The following ARHGAP21 variants were observed in gnomAD, a reference collection of about 807,000 sequenced individuals.
ARHGAP21 encodes Rho GTPase activating protein 21.
ARHGAP21 carries 38 observed loss-of-function variants against 164.6 expected under a neutral mutation model. The observed-to-expected ratio is 0.23, with a 90% CI of 0.18 to 0.30. The LOEUF (loss-of-function observed/expected upper bound fraction) is 0.30, where lower values mean the gene tolerates loss of function less well. ARHGAP21 is among the 10% of genes least tolerant of loss of function. The probability of loss-of-function intolerance (pLI) is 1.00; values close to 1 mark genes in which losing one functional copy is unlikely to be tolerated. For synonymous variants in ARHGAP21, 766 were observed against 857.9 expected, an observed-to-expected ratio of 0.89 and a Z score of 1.87; for missense variants, 1,822 against 2,370.7, an observed-to-expected ratio of 0.77 and a Z score of 4.81.
At chr10:24,687,372 G>A (rs1565163961) in intron 2 of ARHGAP21, among the ~76,000 whole-genome samples, 1 of 152,144 alleles carries the variant, frequency 6.6e-6, no homozygotes, top group African/African-American at 2.4e-5. Flanking sequence ...AAATTTATAC[G>A]AAATGAGTAA....
chr10:24,655,120 C>G (rs975374103), intron 4 of ARHGAP21, among the ~76,000 whole-genome samples: 2 of 152,218 alleles, frequency 1.3e-5, no homozygotes, highest in Admixed American at 6.5e-5. Context: ...AAAATTAATT[C>G]AACATGGATT....
chr10:24,616,222 T>A (rs1833934821), intron 9 of ARHGAP21, among the ~76,000 whole-genome samples: 2 of 152,244 alleles, frequency 1.3e-5, no homozygotes, highest in South Asian at 4.1e-4. Context: ...ACATGATTTC[T>A]CTTTATAAAA....
At chr10:24,710,473 C>T (rs866773676) in intron 2 of ARHGAP21, among the ~76,000 whole-genome samples, 30 of 152,290 alleles carry the variant, frequency 2.0e-4, no homozygotes, top group African/African-American at 6.5e-4. Flanking sequence ...TAGCTCCTTA[C>T]TCTTCTGCTA....
intron 2 of ARHGAP21, among the ~76,000 whole-genome samples, chr10:24,713,261 A>C (rs542930910): frequency 4.7e-4 from 71 of 152,356 alleles, no homozygotes; most frequent in African/African-American, 1.6e-3. Context: ...ACAGTGCTGC[A>C]TACATAGCAC....
In ARHGAP21 at chr10:24,592,030, ACTGGGAAATACCAGAAT is replaced by A. The variant is rs748742571; in HGVS notation, c.3877-35_3877-19del. ...GGTTCCATCTGAAAGAAAGGATGAT[ACTGGGAAATACCAGAAT>A]TTTTCTTAAGGAAGTAGGCTGAAAT... On this transcript the variant is annotated intron_variant, in intron 21 of 25. Coordinates refer to ENST00000396432, the MANE Select transcript of ARHGAP21 (RefSeq NM_020824.4). The A allele has an allele frequency of 1.9e-6, 3 of 1,543,116 alleles. No individual in the cohort carries two copies. The highest frequency in any genetic ancestry group is 2.6e-6 in the Non-Finnish European group (3 of 1,144,944).
chr10:24,652,530 G>A (rs529645695), intron 4 of ARHGAP21, among the ~76,000 whole-genome samples: 38 of 152,152 alleles, frequency 2.5e-4, no homozygotes, highest in African/African-American at 7.7e-4. Context: ...TTACTAATAC[G>A]AAACTGAAAG....
chr10:24,677,459 C>T (rs926987885), intron 2 of ARHGAP21, among the ~76,000 whole-genome samples: 1 of 152,150 alleles, frequency 6.6e-6, no homozygotes, highest in Non-Finnish European at 1.5e-5. Context: ...GGATGAACTG[C>T]TAACTTTTTC....
chr10:24,681,898 G>A (rs928885522), intron 2 of ARHGAP21, among the ~76,000 whole-genome samples: 9 of 152,050 alleles, frequency 5.9e-5, no homozygotes, highest in South Asian at 2.1e-4. Context: ...GGCATGCTTG[G>A]GGGGAAGGAC....
chr10:24,608,939 G>C (rs1309630454), intron 9 of ARHGAP21, among the ~76,000 whole-genome samples: 2 of 152,038 alleles, frequency 1.3e-5, no homozygotes, highest in African/African-American at 4.8e-5. Context: ...AATTCAATGA[G>C]GATAACAATT....
intron 3 of ARHGAP21, 25 bp downstream of exon 3, chr10:24,670,193 A>C: frequency 5.3e-6 from 8 of 1,504,438 alleles, no homozygotes; most frequent in Non-Finnish European, 7.1e-6. Flanking sequence ...TTTTTTTTTC[A>C]AGTTGCGGTA....
chr10:24,594,484 T>TA (rs1018947444), intron 21 of ARHGAP21, among the ~76,000 whole-genome samples: 6 of 151,800 alleles, frequency 4.0e-5, no homozygotes, highest in South Asian at 2.1e-4. Flanking sequence ...TAATATAATT[T>TA]AAAAAAAAGA....
rs143126825 is a variant in ARHGAP21 at position 24,616,507 on chromosome 10, T to G, written c.2422+2966A>C. Among the ~76,000 whole-genome samples the G allele has an allele frequency of 6.0e-3, 908 of 152,346 alleles. 10 individuals carry two copies. The highest frequency in any genetic ancestry group is 0.021 in the African/African-American group (874 of 41,582). On this transcript the variant is annotated intron_variant, in intron 9 of 25. Coordinates refer to ENST00000396432, the MANE Select transcript of ARHGAP21 (RefSeq NM_020824.4). ...CTAACACTTCTAAATCATCTTGATA[T>G]GGCAGTGCCAATAAGGCTGTGACCA...
Position 24,600,683 on chromosome 10 carries a change from A to C in ARHGAP21, c.3095T>G (p.Ile1032Ser). Residue 1032 changes from isoleucine to serine, a missense_variant, in exon 14 of 26, where the codon ATC becomes AGC. Transcript: ENST00000396432. Reference sequence around the variant, plus strand: ...GTTGCTGCTCTCCTGGATCGTCTTGATCCAAGCTAGCATATCATCTCTGTC... The same window carrying C: ...GTTGCTGCTCTCCTGGATCGTCTTGCTCCAAGCTAGCATATCATCTCTGTC... The part of the protein sequence containing the change: ...AEDRDDMLAW[I>S]KTIQESSNLN... 1 of 1,613,884 alleles carries C rather than the reference A, an allele frequency of 6.2e-7. No individual in the cohort carries two copies.
intron 25 of ARHGAP21, among the ~76,000 whole-genome samples, chr10:24,588,186 T>G (rs951063343): frequency 6.6e-6 from 1 of 152,244 alleles, no homozygotes; most frequent in African/African-American, 2.4e-5. Flanking sequence ...TAATGTGTTG[T>G]ACTTACCTCA....
intron 9 of ARHGAP21, among the ~76,000 whole-genome samples, chr10:24,615,483 C>T (rs1003692441): frequency 2.6e-5 from 4 of 151,968 alleles, no homozygotes; most frequent in Admixed American, 6.6e-5. Context: ...TAATAATAGT[C>T]GGCATAAAAC....
At chr10:24,691,686 T>A (rs1186374769) in intron 2 of ARHGAP21, among the ~76,000 whole-genome samples, 5 of 152,312 alleles carry the variant, frequency 3.3e-5, no homozygotes, top group Admixed American at 3.3e-4. Context: ...ATAATGTATT[T>A]CTGGAAACAT....
chr10:24,591,580 G>A (rs373356539), intron 23 of ARHGAP21, 62 bp downstream of exon 23: 9 of 1,576,042 alleles, frequency 5.7e-6, no homozygotes, highest in Admixed American at 3.4e-5. Context: ...CATTGTTGGC[G>A]CGCCAGGATC....
intron 11 of ARHGAP21, among the ~76,000 whole-genome samples, chr10:24,605,361 A>AACAT (rs1289681500): frequency 6.6e-6 from 1 of 152,214 alleles, no homozygotes; most frequent in Non-Finnish European, 1.5e-5. Context: ...AGAATGAGGA[A>AACAT]ACATACAGTC....
intron 4 of ARHGAP21, among the ~76,000 whole-genome samples, chr10:24,637,755 C>T (rs972461892): frequency 6.6e-6 from 1 of 152,076 alleles, no homozygotes; most frequent in Non-Finnish European, 1.5e-5. Context: ...ACAAATCTTT[C>T]AATACACTAT....
Sources: allele counts gnomAD v4.1 joint callset (sites outside exome capture counted in the v4.1 genomes callset), GRCh38; gene constraint gnomAD v4.1.1; transcripts MANE v1.5; gene names NCBI Gene and HGNC (gene_info 2026-07-23, HGNC 2026-07-21).